Variants in RHEB observed in about 807,000 individuals in gnomAD.
The protein encoded by RHEB is Ras homolog, mTORC1 binding.
Under a neutral mutation model 28.8 loss-of-function variants are expected in RHEB, and 2 were observed. That is an observed-to-expected ratio of 0.07 (90% confidence interval 0.03 to 0.22). The LOEUF (loss-of-function observed/expected upper bound fraction) is 0.22, where lower values mean the gene tolerates loss of function less well. Ranked by LOEUF, RHEB falls within the 10% of genes least tolerant of loss-of-function variation. The pLI is 1.00. For missense variants in RHEB, 76 were observed against 219.9 expected, an observed-to-expected ratio of 0.35 and a Z score of 4.14; for synonymous variants, 69 against 77.3, an observed-to-expected ratio of 0.89 and a Z score of 0.56.
intron 4 of RHEB, among the ~76,000 whole-genome samples, chr7:151,474,985 A>G (rs1351204995): frequency 1.3e-5 from 2 of 152,234 alleles, no homozygotes; most frequent in Admixed American, 6.5e-5. Flanking sequence ...TCATTAAACT[A>G]TGAGTTACTG....
At chr7:151,489,300 T>C (rs763653858) in intron 2 of RHEB, among the ~76,000 whole-genome samples, 2 of 152,230 alleles carry the variant, frequency 1.3e-5, no homozygotes, top group Non-Finnish European at 2.9e-5. Flanking sequence ...CTTATTCCAG[T>C]GGACAGAAAA....
intron 1 of RHEB, among the ~76,000 whole-genome samples, chr7:151,513,437 G>T (rs1039036005): frequency 6.6e-6 from 1 of 152,202 alleles, no homozygotes; most frequent in Non-Finnish European, 1.5e-5. Context: ...CACTCATAGC[G>T]AACAGTGTTC....
chr7:151,466,176 T>A lies in RHEB; in HGVS notation c.*943A>T, dbSNP rs897599928. 10 of 152,134 alleles carry A rather than the reference T, an allele frequency of 6.6e-5. No individual in the cohort carries two copies. The highest frequency in any genetic ancestry group is 4.1e-4 in the South Asian group (2 of 4,832). The allele number at this position is 152,134 out of a possible 1,614,324, so 9.4% of individuals were successfully genotyped here. ...GGTAACAGCCACCAAACAAATGAAA[T>A]CCCTCTTCTCCTTTACAGCTGCTCC... On this transcript the variant is annotated 3_prime_UTR_variant, in exon 8 of 8. Transcript: ENST00000262187.
rs994803138 is a variant in RHEB, at chr7:151,467,005, A to G, written c.*114T>C. 11 of 729,684 alleles carry G rather than the reference A, an allele frequency of 1.5e-5. No homozygotes were observed. The highest frequency in any genetic ancestry group is 7.0e-5 in the African/African-American group (4 of 56,992). 45.2% of individuals were successfully genotyped at this position (729,684 alleles called of 1,614,324 possible). On this transcript the variant is annotated 3_prime_UTR_variant, in exon 8 of 8. Coordinates refer to ENST00000262187, the MANE Select transcript of RHEB (RefSeq NM_005614.4). ...AGGGAGGGGAGCTCTGACCCAAATG[A>G]TATCTTTCAGGTTAACAGAAGAAAA...
At chr7:151,467,552 C>T (rs1802088777) in intron 7 of RHEB, among the ~76,000 whole-genome samples, 1 of 151,952 alleles carries the variant, frequency 6.6e-6, no homozygotes, top group African/African-American at 2.4e-5. Flanking sequence ...CAGGGTCCCT[C>T]TTCACTTCTG....
At chr7:151,509,823 G>C (rs993754786) in intron 1 of RHEB, among the ~76,000 whole-genome samples, 1 of 152,184 alleles carries the variant, frequency 6.6e-6, no homozygotes. Flanking sequence ...CATAAATAAA[G>C]TTTTACTAGC....
At chr7:151,494,349 A>G (rs1802639519) in intron 1 of RHEB, among the ~76,000 whole-genome samples, 1 of 152,206 alleles carries the variant, frequency 6.6e-6, no homozygotes, top group Non-Finnish European at 1.5e-5. Flanking sequence ...GGACGGGGGA[A>G]AAGAGCCTCA....
chr7:151,468,049 G>C lies in RHEB; in HGVS notation c.463-838C>G, dbSNP rs1490334456. 6.6e-6 allele frequency among the ~76,000 whole-genome samples: 1 copy of C among 151,956 alleles called. No homozygotes were observed. The highest frequency in any genetic ancestry group is 1.5e-5 in the Non-Finnish European group (1 of 67,990). On this transcript the variant is annotated intron_variant, in intron 7 of 7. Transcript: ENST00000262187. The surrounding 1 kb of genome is among the most constrained non-coding windows in gnomAD (Gnocchi z 4.3). The stretch of plus-strand genomic sequence containing the variant: ...CCTGTCCTTGAAATGCAGTCCTGTG[G>C]TCATGAAAAACTGCCCCTGTTCTCA...
At chr7:151,502,842 C>A in intron 1 of RHEB, 1 of 1,043,872 alleles carries the variant, frequency 9.6e-7, no homozygotes, top group Non-Finnish European at 1.5e-6. Context: ...CTAGTTTTAG[C>A]TGGATCTGCT....
At chr7:151,473,683 A>T (rs967047255) in intron 4 of RHEB, among the ~76,000 whole-genome samples, 1 of 152,238 alleles carries the variant, frequency 6.6e-6, no homozygotes, top group Non-Finnish European at 1.5e-5. Flanking sequence ...AAATTTGAGA[A>T]TGCTGATTAA....
intron 1 of RHEB, among the ~76,000 whole-genome samples, chr7:151,504,514 T>G (rs1316728658): frequency 6.6e-6 from 1 of 152,166 alleles, no homozygotes; most frequent in Non-Finnish European, 1.5e-5. Flanking sequence ...CATTTGCATT[T>G]GGTTGAGGAA....
chr7:151,496,423 G>A (rs1303371358), intron 1 of RHEB, among the ~76,000 whole-genome samples: 1 of 151,630 alleles, frequency 6.6e-6, no homozygotes, highest in Non-Finnish European at 1.5e-5. Context: ...CAGTGGTGTG[G>A]CCTAACTATT....
chr7:151,491,848 G>C (rs1231387043), intron 1 of RHEB, among the ~76,000 whole-genome samples: 1 of 152,152 alleles, frequency 6.6e-6, no homozygotes, highest in African/African-American at 2.4e-5. Flanking sequence ...GCAGTATCTA[G>C]AAATTAAGAA....
chr7:151,500,821 A>G (rs974185615), intron 1 of RHEB, among the ~76,000 whole-genome samples: 19 of 152,162 alleles, frequency 1.2e-4, no homozygotes, highest in African/African-American at 4.6e-4. Flanking sequence ...TCATCTCTAT[A>G]GAAAATCAAA....
chr7:151,478,594 G>A (rs1172327339), intron 3 of RHEB, among the ~76,000 whole-genome samples: 1 of 151,958 alleles, frequency 6.6e-6, no homozygotes, highest in African/African-American at 2.4e-5. Context: ...AAAACTACCA[G>A]TTAGAAGGTA....
chr7:151,496,382 C>T (rs547024586), intron 1 of RHEB, among the ~76,000 whole-genome samples: 6 of 152,290 alleles, frequency 3.9e-5, no homozygotes, highest in African/African-American at 1.4e-4. Context: ...TCATCTAATC[C>T]AAACCATCTC....
At chr7:151,503,763 GA>G (rs58779947) in intron 1 of RHEB, among the ~76,000 whole-genome samples, 2,329 of 119,606 alleles carry the variant, frequency 0.019, 79 homozygotes, top group East Asian at 0.15. Context: ...TGTATTTTAT[GA>G]AAAAAAAAAA....
intron 1 of RHEB, among the ~76,000 whole-genome samples, chr7:151,505,095 G>A (rs1584865486): frequency 1.5e-5 from 2 of 135,604 alleles, no homozygotes; most frequent in African/African-American, 2.8e-5. Context: ...GAGCTTAAAA[G>A]TGAAAACAAA....
Position 151,485,408 on chromosome 7 carries a change from C to G in RHEB, c.125-604G>C, listed in dbSNP as rs372379823. 1.6e-4 allele frequency among the ~76,000 whole-genome samples: 25 copies of G among 152,246 alleles called. No individual in the cohort carries two copies. In the East Asian group the frequency reaches 1.9e-3, roughly 12 times the overall value. ...AAAGAAAATCAGACTTGAATAACTTCCGGAAAAGTCAATTCAGAATTAGAG... is the reference window on the plus strand; with the variant it reads ...AAAGAAAATCAGACTTGAATAACTTGCGGAAAAGTCAATTCAGAATTAGAG... On this transcript the variant is annotated intron_variant, in intron 2 of 7. Transcript: ENST00000262187.
Sources: allele counts gnomAD v4.1 joint callset (sites outside exome capture counted in the v4.1 genomes callset), GRCh38; gene constraint gnomAD v4.1.1; non-coding constraint Gnocchi (gnomAD v3.1); transcripts MANE v1.5; gene names NCBI Gene and HGNC (gene_info 2026-07-23, HGNC 2026-07-21).